Variants in RORA observed in about 807,000 individuals in gnomAD.
RORA encodes the protein nuclear receptor ROR-alpha.
In RORA, 7 loss-of-function variants were observed where a neutral mutation model predicts 69.5. That is an observed-to-expected ratio of 0.10 (90% CI 0.06 to 0.19). RORA has a LOEUF of 0.19. Ranked by LOEUF, RORA falls within the 10% of genes least tolerant of loss-of-function variation. RORA has a pLI of 1.00. For synonymous variants in RORA, 261 were observed against 240.8 expected, an observed-to-expected ratio of 1.08 and a Z score of -0.78; for missense variants, 457 against 663.0, an observed-to-expected ratio of 0.69 and a Z score of 3.41.
chr15:60,780,076 G>A (rs1186136805), intron 1 of RORA, among the ~76,000 whole-genome samples: 2 of 152,204 alleles, frequency 1.3e-5, no homozygotes, highest in Non-Finnish European at 2.9e-5. Context: ...GGTGGGGAGA[G>A]GGTGGGGAGG....
chr15:60,984,084 T>A (rs75901362), intron 1 of RORA, among the ~76,000 whole-genome samples: 1 of 152,038 alleles, frequency 6.6e-6, no homozygotes, highest in African/African-American at 2.4e-5. Flanking sequence ...AAACTGTTTC[T>A]GAGAATATGT....
intron 1 of RORA, among the ~76,000 whole-genome samples, chr15:61,189,997 C>T (rs189327957): frequency 5.3e-5 from 8 of 151,432 alleles, no homozygotes; most frequent in African/African-American, 1.9e-4. Context: ...CATGTCTACA[C>T]CAGGTGAAAT....
At chr15:60,889,768 C>T (rs1035459419) in intron 1 of RORA, among the ~76,000 whole-genome samples, 2 of 152,238 alleles carry the variant, frequency 1.3e-5, no homozygotes, top group Non-Finnish European at 2.9e-5. Flanking sequence ...TCCCCTTCAC[C>T]TTTGCCCATT....
At chr15:61,223,887 T>G (rs562508078) in intron 1 of RORA, among the ~76,000 whole-genome samples, 12 of 152,012 alleles carry the variant, frequency 7.9e-5, no homozygotes, top group Admixed American at 2.0e-4. Flanking sequence ...GATTCTCAGG[T>G]TTTTTTTAAA....
chr15:60,867,657 T>C (rs1234077466), intron 1 of RORA, among the ~76,000 whole-genome samples: 1 of 152,132 alleles, frequency 6.6e-6, no homozygotes, highest in Non-Finnish European at 1.5e-5. Context: ...TGTATCAATG[T>C]GCTAAATAAT....
chr15:60,785,333 A>T (rs756446080), intron 1 of RORA, among the ~76,000 whole-genome samples: 1 of 152,196 alleles, frequency 6.6e-6, no homozygotes, highest in Non-Finnish European at 1.5e-5. Flanking sequence ...GAGGTCACTG[A>T]TGGAAACAAA....
intron 1 of RORA, among the ~76,000 whole-genome samples, chr15:60,743,622 T>G (rs1388034818): frequency 1.3e-5 from 2 of 152,200 alleles, no homozygotes; most frequent in East Asian, 3.8e-4. Flanking sequence ...AAAGAATGAC[T>G]GAGGTTGACA....
chr15:61,155,187 G>A (rs2079431587), intron 1 of RORA, among the ~76,000 whole-genome samples: 3 of 152,130 alleles, frequency 2.0e-5, no homozygotes, highest in Admixed American at 1.3e-4. Context: ...ATGTATACAT[G>A]CATTAAAACA....
chr15:61,168,213 CGTGCGT>C (rs1313980324), intron 1 of RORA, among the ~76,000 whole-genome samples: 9 of 144,944 alleles, frequency 6.2e-5, no homozygotes, highest in African/African-American at 1.7e-4. Flanking sequence ...CGCGTGCGTG[CGTGCGT>C]GTGTGTGTGT....
At chr15:61,020,283 C>T (rs974180406) in intron 1 of RORA, among the ~76,000 whole-genome samples, 3 of 152,178 alleles carry the variant, frequency 2.0e-5, no homozygotes, top group Non-Finnish European at 2.9e-5. Flanking sequence ...TCCATCCTCT[C>T]TCCTACTACT....
At chr15:60,592,741 C>T in intron 2 of RORA, 2 of 1,075,416 alleles carry the variant, frequency 1.9e-6, no homozygotes, top group Non-Finnish European at 2.3e-6. Flanking sequence ...CCACCCCGGC[C>T]GGGCCTGCCC....
intron 1 of RORA, among the ~76,000 whole-genome samples, chr15:60,708,293 G>A (rs1255367171): frequency 1.3e-5 from 2 of 151,924 alleles, no homozygotes; most frequent in Non-Finnish European, 2.9e-5. Context: ...TTGGTGGTGT[G>A]TGCCTGTAGT....
chr15:60,624,158 C>T (rs978335766), intron 2 of RORA, among the ~76,000 whole-genome samples: 15 of 152,010 alleles, frequency 9.9e-5, no homozygotes, highest in African/African-American at 3.6e-4. Flanking sequence ...AGGTATTGTT[C>T]AACATTGGAA....
chr15:61,108,230 T>A (rs1483684839), intron 1 of RORA, among the ~76,000 whole-genome samples: 1 of 152,226 alleles, frequency 6.6e-6, no homozygotes, highest in Admixed American at 6.5e-5. Context: ...AATAAGGTCA[T>A]GCAAAATAGT....
At chr15:60,893,308 T>C (rs1238235300) in intron 1 of RORA, among the ~76,000 whole-genome samples, 1 of 152,240 alleles carries the variant, frequency 6.6e-6, no homozygotes, top group Non-Finnish European at 1.5e-5. Flanking sequence ...GCTGTGTTTT[T>C]AGCAGCTCAG....
intron 1 of RORA, among the ~76,000 whole-genome samples, chr15:60,713,523 T>G (rs2071173881): frequency 6.6e-6 from 1 of 152,096 alleles, no homozygotes; most frequent in African/African-American, 2.4e-5. Flanking sequence ...AGATCCAAAA[T>G]TAAAAGAACA....
At chr15:60,565,833 A>C (rs1419507748) in intron 2 of RORA, among the ~76,000 whole-genome samples, 3 of 152,210 alleles carry the variant, frequency 2.0e-5, no homozygotes, top group African/African-American at 7.2e-5. Flanking sequence ...ACTTAAGGAA[A>C]ATGAATAGTC....
chr15:61,110,887 A>G (rs1292535440), intron 1 of RORA, among the ~76,000 whole-genome samples: 1 of 152,176 alleles, frequency 6.6e-6, no homozygotes, highest in African/African-American at 2.4e-5. Flanking sequence ...TTCTCTCCCC[A>G]TGGATATGGC....
At position 61,071,847 on chromosome 15, in the gene RORA, C is replaced by T. The variant is rs546517999; in HGVS notation, c.166+157206G>A. Among the ~76,000 whole-genome samples the T allele has an allele frequency of 1.9e-4, 29 of 152,094 alleles. 1 individual carries two copies. In the East Asian group the frequency reaches 5.6e-3, roughly 29 times the overall value. On this transcript the variant is annotated intron_variant, in intron 1 of 10. Transcript: ENST00000335670. ...CTGTTCTCCAAATAGTAATAACATT[C>T]CTGGAGATTTGCAATAGGTACCCTC...
Sources: allele counts gnomAD v4.1 joint callset (sites outside exome capture counted in the v4.1 genomes callset), GRCh38; gene constraint gnomAD v4.1.1; transcripts MANE v1.5; gene names NCBI Gene and HGNC (gene_info 2026-07-23, HGNC 2026-07-21).